The following SRGAP1 variants were observed in gnomAD, a reference collection of about 807,000 sequenced individuals.
SRGAP1 encodes SLIT-ROBO Rho GTPase activating protein 1, also known as SLIT-ROBO Rho GTPase-activating protein 1.
Under a neutral mutation model 121.9 loss-of-function variants are expected in SRGAP1, and 43 were observed. The ratio of observed to expected loss-of-function variants is 0.35; its 90% CI spans 0.28 to 0.46. The LOEUF (loss-of-function observed/expected upper bound fraction) is 0.46, where lower values mean the gene tolerates loss of function less well. Among genes scored for constraint, SRGAP1 ranks in the 20% least tolerant of loss-of-function variants. SRGAP1 has a pLI of 1.00. For missense variants in SRGAP1, 1,102 were observed against 1,350.9 expected, an observed-to-expected ratio of 0.82 and a Z score of 2.89; for synonymous variants, 447 against 485.4, an observed-to-expected ratio of 0.92 and a Z score of 1.04.
chr12:64,055,521 A>G (rs373387468), intron 6 of SRGAP1, among the ~76,000 whole-genome samples: 82 of 151,034 alleles, frequency 5.4e-4, no homozygotes, highest in African/African-American at 1.9e-3. Context: ...TTCATATGGA[A>G]CCAAAAAAGA....
intron 4 of SRGAP1, among the ~76,000 whole-genome samples, chr12:64,031,262 G>A (rs1320970785): frequency 2.1e-5 from 3 of 140,892 alleles, no homozygotes; most frequent in Non-Finnish European, 4.6e-5. Context: ...AGGTTGCAGT[G>A]AGCCGAGATC....
At chr12:64,113,174 G>A (rs1289627678) in intron 17 of SRGAP1, among the ~76,000 whole-genome samples, 1 of 152,016 alleles carries the variant, frequency 6.6e-6, no homozygotes, top group East Asian at 1.9e-4. Context: ...TTGGGAGGCT[G>A]AGGCAGGCAG....
chr12:64,110,258 G>C (rs1341264805), intron 16 of SRGAP1, among the ~76,000 whole-genome samples: 1 of 152,114 alleles, frequency 6.6e-6, no homozygotes, highest in Non-Finnish European at 1.5e-5. Context: ...AAATCTTCCT[G>C]ACACACCTGA....
chr12:64,043,068 T>C lies in SRGAP1; in HGVS notation c.672+96T>C. 3 of 859,888 alleles carry C rather than the reference T, an allele frequency of 3.5e-6. No individual in the cohort carries two copies. The South Asian group carries it at 5.2e-5, about 15-fold the overall frequency. The allele number at this position is 859,888 out of a possible 1,614,324, so 53.3% of individuals were successfully genotyped here. A position where few individuals can be genotyped will look rare whatever the true frequency, so the allele number is the denominator to read the frequency against. ...GCTGATATCCACACATTGTAAGTTATTGTGAAAAGACATGCATTTCCTCCC... is the reference window on the plus strand; with the variant it reads ...GCTGATATCCACACATTGTAAGTTACTGTGAAAAGACATGCATTTCCTCCC... On this transcript the variant is annotated intron_variant, in intron 5 of 21. Coordinates refer to ENST00000355086, the MANE Select transcript of SRGAP1 (RefSeq NM_020762.4).
intron 16 of SRGAP1, among the ~76,000 whole-genome samples, chr12:64,110,497 A>G (rs1015374505): frequency 3.3e-5 from 5 of 152,198 alleles, no homozygotes; most frequent in Non-Finnish European, 7.3e-5. Context: ...GATGCTTGGG[A>G]TGGGGATTAT....
intron 4 of SRGAP1, among the ~76,000 whole-genome samples, chr12:64,023,793 A>G (rs2034599749): frequency 6.6e-6 from 1 of 152,202 alleles, no homozygotes; most frequent in Non-Finnish European, 1.5e-5. Flanking sequence ...TATCCCATTT[A>G]TTTCCCGCAG....
At chr12:63,964,347 A>G (rs1361629522) in intron 1 of SRGAP1, among the ~76,000 whole-genome samples, 1 of 152,214 alleles carries the variant, frequency 6.6e-6, no homozygotes, top group Non-Finnish European at 1.5e-5. Context: ...TGAATGAGAA[A>G]TTTAAGTTTT....
chr12:63,877,794 G>A (rs1280984736), intron 1 of SRGAP1, among the ~76,000 whole-genome samples: 1 of 152,166 alleles, frequency 6.6e-6, no homozygotes, highest in Non-Finnish European at 1.5e-5. Context: ...CATCTTTCTA[G>A]TCAGGTTACT....
At chr12:64,020,429 A>G (rs57540857) in intron 4 of SRGAP1, among the ~76,000 whole-genome samples, 4,885 of 152,198 alleles carry the variant, frequency 0.032, 268 homozygotes, top group African/African-American at 0.11. Flanking sequence ...CTCCTTTTCT[A>G]TATTTTTGCC....
chr12:63,856,273 T>A (rs1899247588), intron 1 of SRGAP1, among the ~76,000 whole-genome samples: 2 of 143,806 alleles, frequency 1.4e-5, no homozygotes, highest in Admixed American at 1.4e-4. Context: ...AATAAATAAA[T>A]AAATAAATAA....
chr12:63,881,245 G>C (rs1002520721), intron 1 of SRGAP1, among the ~76,000 whole-genome samples: 2 of 152,178 alleles, frequency 1.3e-5, no homozygotes, highest in African/African-American at 2.4e-5. Context: ...GACTATTACA[G>C]ATCATTGATG....
intron 17 of SRGAP1, among the ~76,000 whole-genome samples, chr12:64,113,701 G>A (rs1383712863): frequency 3.9e-5 from 6 of 152,118 alleles, no homozygotes; most frequent in African/African-American, 1.4e-4. Context: ...TTATATCTCA[G>A]CTGCTTAGTG....
At position 64,142,533 on chromosome 12, in the gene SRGAP1, C is replaced by T. The variant is rs1415654797; in HGVS notation, c.3119C>T (p.Pro1040Leu). ...AGTGACACAATGAGTACTTTCAAGC[C>T]TATGGTGGCACCCAGAATGGGCGTG... ...SSSDTMSTFK[P>L]MVAPRMGVQL... is the part of the protein sequence containing the mutation. The change falls in exon 22 of 22, where the codon CCT (proline) becomes CTT (leucine). Residue 1040 changes from proline to leucine, a missense_variant. Physicochemically the swap from Pro to Leu is moderately conservative, Grantham distance 98 (BLOSUM62 -3). Transcript: ENST00000355086. 6.2e-7 allele frequency: 1 copy of T among 1,614,222 alleles called. No individual in the cohort carries two copies. The highest frequency in any genetic ancestry group is 8.5e-7 in the Non-Finnish European group (1 of 1,180,042).
At chr12:63,846,418 C>T (rs934627711) in intron 1 of SRGAP1, among the ~76,000 whole-genome samples, 1 of 152,066 alleles carries the variant, frequency 6.6e-6, no homozygotes, top group Non-Finnish European at 1.5e-5. Context: ...CAAGGGGTGG[C>T]GGTCTGGTTT....
chr12:64,067,709 A>G (rs2035565122), intron 8 of SRGAP1, among the ~76,000 whole-genome samples: 1 of 152,188 alleles, frequency 6.6e-6, no homozygotes, highest in Admixed American at 6.5e-5. Flanking sequence ...GGAGAATAGA[A>G]CAGTTTGGTT....
intron 4 of SRGAP1, among the ~76,000 whole-genome samples, chr12:64,031,897 G>T (rs1047169351): frequency 9.2e-5 from 14 of 152,148 alleles, no homozygotes; most frequent in Non-Finnish European, 1.3e-4. Flanking sequence ...ATAGATGAGG[G>T]TCAGAAAGGC....
chr12:64,097,123 C>A (rs2036170180), intron 14 of SRGAP1, 118 bp from the exon 15 acceptor site: 1 of 1,036,158 alleles, frequency 9.7e-7, no homozygotes, highest in Non-Finnish European at 1.3e-6. Context: ...TATAATCTTT[C>A]ATAAAGCATA....
chr12:64,017,392 G>A (rs1361493356), intron 4 of SRGAP1, among the ~76,000 whole-genome samples: 1 of 152,056 alleles, frequency 6.6e-6, no homozygotes, highest in Non-Finnish European at 1.5e-5. Flanking sequence ...GTGGCCAGGC[G>A]TGGTGTAATT....
chr12:63,933,676 T>C (rs2031562391), intron 1 of SRGAP1, among the ~76,000 whole-genome samples: 2 of 152,230 alleles, frequency 1.3e-5, no homozygotes, highest in South Asian at 4.1e-4. Flanking sequence ...GAACTATCTT[T>C]CTTTTCCATT....
Sources: allele counts gnomAD v4.1 joint callset (sites outside exome capture counted in the v4.1 genomes callset), GRCh38; gene constraint gnomAD v4.1.1; transcripts MANE v1.5; gene names NCBI Gene and HGNC (gene_info 2026-07-23, HGNC 2026-07-21).